POU6F2: variants seen among roughly 807,000 people sequenced by gnomAD.
POU6F2 encodes the protein POU class 6 homeobox 2.
POU6F2 carries 31 observed loss-of-function variants against 71.3 expected under a neutral mutation model. The observed-to-expected ratio is 0.43, with a 90% CI of 0.33 to 0.59. POU6F2 has a LOEUF of 0.59. POU6F2 is among the 20% of genes least tolerant of loss of function. The probability of loss-of-function intolerance (pLI) is 0.04; values close to 1 mark genes in which losing one functional copy is unlikely to be tolerated. For missense variants in POU6F2, 783 were observed against 856.8 expected (o/e 0.91, Z 1.07); for synonymous variants, 347 against 355.7 (o/e 0.98, Z 0.27).
At chr7:39,246,120 T>A (rs1783814639) in intron 4 of POU6F2, among the ~76,000 whole-genome samples, 1 of 152,200 alleles carries the variant, frequency 6.6e-6, no homozygotes, top group Admixed American at 6.5e-5. Flanking sequence ...TACTACCTTT[T>A]AAAATTGTCT....
chr7:39,436,017 T>C (rs1329798635), intron 7 of POU6F2, among the ~76,000 whole-genome samples: 1 of 152,198 alleles, frequency 6.6e-6, no homozygotes, highest in Non-Finnish European at 1.5e-5. Flanking sequence ...ACTATTTTAG[T>C]TACTGTAGCC....
At chr7:39,143,007 AT>A (rs1792536990) in intron 2 of POU6F2, among the ~76,000 whole-genome samples, 1 of 152,248 alleles carries the variant, frequency 6.6e-6, no homozygotes, top group Non-Finnish European at 1.5e-5. Context: ...GATGCTGAAG[AT>A]ACAGCATGGA....
At position 39,464,760 on chromosome 7, in the gene POU6F2, C is replaced by T. The variant is rs1789030814; in HGVS notation, c.*74C>T. On this transcript the variant is annotated 3_prime_UTR_variant, in exon 10 of 10. Transcript: ENST00000518318. The surrounding 1 kb of genome is among the most constrained non-coding windows in gnomAD (Gnocchi z 4.1). ...CACCCTTGGGACTCCACAACAACAA[C>T]AACAACAAAATTTAATTTAATTTAA... 1 of 1,432,908 alleles carries T rather than the reference C, an allele frequency of 7.0e-7. No homozygotes were observed. The highest frequency in any genetic ancestry group is 2.5e-5 in the East Asian group (1 of 40,302). The allele number at this position is 1,432,908 out of a possible 1,614,324, so 88.8% of individuals were successfully genotyped here. A position where few individuals can be genotyped will look rare whatever the true frequency, so the allele number is the denominator to read the frequency against.
chr7:39,101,351 A>G (rs1468542577), intron 2 of POU6F2, among the ~76,000 whole-genome samples: 1 of 152,118 alleles, frequency 6.6e-6, no homozygotes, highest in Non-Finnish European at 1.5e-5. Flanking sequence ...CTGGGATCAT[A>G]AGCGTGAGCC....
chr7:39,042,888 CCTT>C (rs1485433597), intron 1 of POU6F2, among the ~76,000 whole-genome samples: 1 of 151,956 alleles, frequency 6.6e-6, no homozygotes, highest in Non-Finnish European at 1.5e-5. Context: ...GAAATCTTCT[CCTT>C]TGTCTCAGGC....
intron 2 of POU6F2, among the ~76,000 whole-genome samples, chr7:39,114,793 A>C (rs1791895988): frequency 6.6e-6 from 1 of 152,162 alleles, no homozygotes. Flanking sequence ...TAATTGGAGA[A>C]ATCATCACAT....
intron 2 of POU6F2, among the ~76,000 whole-genome samples, chr7:39,167,738 GGT>G (rs1450184572): frequency 6.6e-6 from 1 of 151,052 alleles, no homozygotes; most frequent in Non-Finnish European, 1.5e-5. Flanking sequence ...TTGTATTGTT[GGT>G]GTATAGGCAA....
At chr7:39,392,184 G>A (rs2115837417) in intron 5 of POU6F2, among the ~76,000 whole-genome samples, 1 of 152,284 alleles carries the variant, frequency 6.6e-6, no homozygotes, top group African/African-American at 2.4e-5. Context: ...TTCCATTTTA[G>A]CATATCGTAG....
chr7:39,114,483 A>G (rs1247958538), intron 2 of POU6F2, among the ~76,000 whole-genome samples: 1 of 152,178 alleles, frequency 6.6e-6, no homozygotes, highest in African/African-American at 2.4e-5. Context: ...GCAATATTCC[A>G]TATTTCTTAG....
chr7:39,416,620 G>A (rs538132276), intron 6 of POU6F2, among the ~76,000 whole-genome samples: 3 of 152,256 alleles, frequency 2.0e-5, no homozygotes, highest in African/African-American at 7.2e-5. Context: ...ATCGAATGCT[G>A]TATTTTGAGT....
intron 4 of POU6F2, among the ~76,000 whole-genome samples, chr7:39,244,237 A>G (rs1298843516): frequency 6.6e-6 from 1 of 152,200 alleles, no homozygotes; most frequent in Non-Finnish European, 1.5e-5. Flanking sequence ...TTTCTGAGGC[A>G]TAGGCATATT....
chr7:39,355,728 T>G (rs1011457274), intron 5 of POU6F2, among the ~76,000 whole-genome samples: 20 of 152,188 alleles, frequency 1.3e-4, no homozygotes, highest in Admixed American at 1.0e-3. Context: ...GTTTCAACAT[T>G]ATACCACTGC....
intron 2 of POU6F2, among the ~76,000 whole-genome samples, chr7:39,162,494 G>A (rs1388492539): frequency 1.3e-5 from 2 of 152,162 alleles, no homozygotes; most frequent in Non-Finnish European, 2.9e-5. Context: ...CATTCACACA[G>A]TGAGGTTTTG....
intron 4 of POU6F2, among the ~76,000 whole-genome samples, chr7:39,253,745 A>G (rs921265533): frequency 6.6e-6 from 1 of 152,210 alleles, no homozygotes; most frequent in Admixed American, 6.5e-5. Flanking sequence ...GCAACTGCTG[A>G]AATTGGGGCA....
intron 2 of POU6F2, among the ~76,000 whole-genome samples, chr7:39,122,259 A>C (rs1207872196): frequency 6.6e-6 from 1 of 152,242 alleles, no homozygotes; most frequent in African/African-American, 2.4e-5. Flanking sequence ...TAATGTGTGA[A>C]ATTAGCACAA....
intron 5 of POU6F2, among the ~76,000 whole-genome samples, chr7:39,397,341 AAATATATAGAC>A (rs1787193557): frequency 1.4e-5 from 2 of 147,926 alleles, no homozygotes; most frequent in African/African-American, 2.5e-5. Context: ...TATATATATA[AAATATATAGAC>A]ATATATAGAC....
At chr7:39,067,882 C>A (rs1790791603) in intron 1 of POU6F2, among the ~76,000 whole-genome samples, 1 of 152,080 alleles carries the variant, frequency 6.6e-6, no homozygotes, top group South Asian at 2.1e-4. Context: ...CACTTTCCAT[C>A]TAATAGGTTA....
intron 4 of POU6F2, among the ~76,000 whole-genome samples, chr7:39,314,778 A>T (rs1785231220): frequency 6.6e-6 from 1 of 152,248 alleles, no homozygotes; most frequent in Non-Finnish European, 1.5e-5. Context: ...CATTAAAGAG[A>T]TCTAAAGCGC....
chr7:39,301,487 A>G (rs1225876754), intron 4 of POU6F2, among the ~76,000 whole-genome samples: 1 of 152,200 alleles, frequency 6.6e-6, no homozygotes, highest in Non-Finnish European at 1.5e-5. Flanking sequence ...TAGATCACAC[A>G]CTAGCAATCT....
Sources: gnomAD v4.1 joint callset for allele counts (sites outside exome capture counted in the v4.1 genomes callset) on GRCh38, gnomAD v4.1.1 for gene constraint, Gnocchi (gnomAD v3.1) non-coding constraint, MANE v1.5 for transcripts, NCBI Gene and HGNC (gene_info 2026-07-23, HGNC 2026-07-21) for gene names.